Variants in MAP3K20 observed in about 807,000 individuals in gnomAD.
MAP3K20 encodes the protein HCCS-4.
In MAP3K20, 40 loss-of-function variants were observed where a neutral mutation model predicts 85.7. The observed-to-expected ratio is 0.47, with a 90% confidence interval of 0.36 to 0.61. MAP3K20 has a LOEUF of 0.61. Among genes scored for constraint, MAP3K20 ranks in the 20% least tolerant of loss-of-function variants. MAP3K20 has a pLI of 0.00. For missense variants in MAP3K20, 817 were observed against 961.7 expected (o/e 0.85, Z 1.99); for synonymous variants, 325 against 327.7 (o/e 0.99, Z 0.09).
Position 173,267,299 on chromosome 2 carries a change from T to C in MAP3K20, c.*549T>C, listed in dbSNP as rs1472178597. 2 of 152,228 alleles carry C rather than the reference T, an allele frequency of 1.3e-5. No homozygotes were observed. The highest frequency in any genetic ancestry group is 1.5e-5 in the Non-Finnish European group (1 of 68,032). 9.4% of individuals were successfully genotyped at this position (152,228 alleles called of 1,614,324 possible). ...ATCGAGTTTTTTGGTTTGAGGTTTT[T>C]TGTTGCTTCTTTTTTCTTTTCTTTC... On this transcript the variant is annotated 3_prime_UTR_variant, in exon 20 of 20. Coordinates refer to ENST00000375213, the MANE Select transcript of MAP3K20 (RefSeq NM_016653.3).
At chr2:173,138,956 T>C (rs1367460994) in intron 2 of MAP3K20, among the ~76,000 whole-genome samples, 2 of 152,208 alleles carry the variant, frequency 1.3e-5, no homozygotes, top group Non-Finnish European at 2.9e-5. Flanking sequence ...TTTTTAAAAG[T>C]CCACAGGCTG....
At chr2:173,222,998 G>A (rs573911336) in intron 11 of MAP3K20, 1 of 985,248 alleles carries the variant, frequency 1.0e-6, no homozygotes, top group Non-Finnish European at 1.2e-6. Context: ...TCTTTTTATG[G>A]AAGTTTAAAG....
intron 1 of MAP3K20, among the ~76,000 whole-genome samples, chr2:173,077,316 G>A (rs1043515232): frequency 7.2e-6 from 1 of 139,476 alleles, no homozygotes; most frequent in African/African-American, 2.6e-5. Flanking sequence ...TTCAAGGCTA[G>A]TTAATGTCCT....
chr2:173,125,124 A>C (rs1226176856), intron 2 of MAP3K20, among the ~76,000 whole-genome samples: 2 of 152,250 alleles, frequency 1.3e-5, no homozygotes, highest in South Asian at 2.1e-4. Context: ...CACAACTTGC[A>C]CATTTTATAG....
intron 8 of MAP3K20, among the ~76,000 whole-genome samples, chr2:173,201,723 T>G (rs1034017292): frequency 6.6e-6 from 1 of 152,190 alleles, no homozygotes; most frequent in Non-Finnish European, 1.5e-5. Context: ...AATGTTTTCA[T>G]GTATTAGGAA....
At chr2:173,099,952 CTG>C (rs1316548375) in intron 2 of MAP3K20, among the ~76,000 whole-genome samples, 1 of 152,230 alleles carries the variant, frequency 6.6e-6, no homozygotes. Context: ...ACTTGGATAA[CTG>C]TTAACGATCA....
intron 8 of MAP3K20, among the ~76,000 whole-genome samples, chr2:173,203,578 G>A (rs934407503): frequency 6.6e-6 from 1 of 152,008 alleles, no homozygotes; most frequent in South Asian, 2.1e-4. Context: ...TGACTTCTCC[G>A]TTCACTACAG....
At chr2:173,107,540 T>C (rs1687817323) in intron 2 of MAP3K20, among the ~76,000 whole-genome samples, 1 of 152,204 alleles carries the variant, frequency 6.6e-6, no homozygotes, top group Non-Finnish European at 1.5e-5. Context: ...CCTATTTACA[T>C]GTTTTAAAAT....
intron 2 of MAP3K20, among the ~76,000 whole-genome samples, chr2:173,128,413 G>A (rs1012051154): frequency 6.6e-6 from 1 of 151,818 alleles, no homozygotes; most frequent in African/African-American, 2.4e-5. Flanking sequence ...GCTCACTGCA[G>A]CCTCTGCCTC....
intron 2 of MAP3K20, among the ~76,000 whole-genome samples, chr2:173,161,377 C>G (rs1397947765): frequency 1.3e-5 from 2 of 152,164 alleles, no homozygotes; most frequent in African/African-American, 4.8e-5. Context: ...TGTAAAAGAG[C>G]AGAATGAATA....
chr2:173,188,513 G>C (rs1349015038), intron 5 of MAP3K20, among the ~76,000 whole-genome samples: 3 of 152,046 alleles, frequency 2.0e-5, no homozygotes, highest in African/African-American at 7.2e-5. Flanking sequence ...CTTAGAATGG[G>C]TGGTGATGAC....
At chr2:173,239,279 A>G in intron 15 of MAP3K20, 125 bp from the exon 16 acceptor site, 3 of 748,442 alleles carry the variant, frequency 4.0e-6, no homozygotes, top group Non-Finnish European at 6.3e-6. Context: ...AGCTTAATCC[A>G]AAATAACCAA....
chr2:173,124,687 C>G (rs767313041), intron 2 of MAP3K20, among the ~76,000 whole-genome samples: 9 of 152,180 alleles, frequency 5.9e-5, no homozygotes, highest in Non-Finnish European at 1.3e-4. Flanking sequence ...GTCCAGGAAA[C>G]TTGCTGAAGG....
intron 12 of MAP3K20, among the ~76,000 whole-genome samples, chr2:173,230,167 T>C (rs1465229502): frequency 6.6e-6 from 1 of 151,992 alleles, no homozygotes; most frequent in Non-Finnish European, 1.5e-5. Flanking sequence ...TGATTGAAAA[T>C]AAAGCCTCAA....
intron 2 of MAP3K20, among the ~76,000 whole-genome samples, chr2:173,126,004 G>A (rs534956204): frequency 6.6e-6 from 1 of 152,090 alleles, no homozygotes; most frequent in South Asian, 2.1e-4. Context: ...CTTCCATTCT[G>A]TTTTGCAGTA....
chr2:173,187,713 T>A, intron 5 of MAP3K20, 90 bp downstream of exon 5: 2 of 1,194,028 alleles, frequency 1.7e-6, no homozygotes, highest in East Asian at 2.4e-5. Context: ...TACATATCTT[T>A]TGTAACCTAC....
intron 1 of MAP3K20, chr2:173,090,550 G>A (rs1020445688): frequency 2.2e-6 from 2 of 913,272 alleles, no homozygotes; most frequent in East Asian, 2.4e-4. Context: ...CGGTGGCTTA[G>A]GTTGTGTATA....
At chr2:173,134,001 A>C (rs1339122210) in intron 2 of MAP3K20, among the ~76,000 whole-genome samples, 6 of 151,294 alleles carry the variant, frequency 4.0e-5, no homozygotes, top group South Asian at 4.2e-4. Flanking sequence ...AAAAAACAAA[A>C]AACAAAAAAC....
At chr2:173,208,826 A>G (rs1683779015) in intron 9 of MAP3K20, among the ~76,000 whole-genome samples, 1 of 152,234 alleles carries the variant, frequency 6.6e-6, no homozygotes, top group Non-Finnish European at 1.5e-5. Flanking sequence ...CGTAATTACG[A>G]GGCATGATGA....
Sources: gnomAD v4.1 joint callset for allele counts (sites outside exome capture counted in the v4.1 genomes callset) on GRCh38, gnomAD v4.1.1 for gene constraint, MANE v1.5 for transcripts, NCBI Gene and HGNC (gene_info 2026-07-23, HGNC 2026-07-21) for gene names.